Variants in COL4A1 observed in about 807,000 individuals in gnomAD.
The protein encoded by COL4A1 is collagen type IV alpha 1 chain, also known as collagen alpha-1(IV) chain.
In COL4A1, 40 loss-of-function variants were observed where a neutral mutation model predicts 216.6. That is an observed-to-expected ratio of 0.18 (90% CI 0.14 to 0.24). COL4A1 has a LOEUF of 0.24. Among genes scored for constraint, COL4A1 ranks in the 10% least tolerant of loss-of-function variants. The pLI, the probability that COL4A1 is intolerant of heterozygous loss-of-function variation, is 1.00. For missense variants in COL4A1, 1,628 were observed against 2,196.8 expected, an observed-to-expected ratio of 0.74 and a Z score of 5.18; for synonymous variants, 839 against 810.7, an observed-to-expected ratio of 1.03 and a Z score of -0.59.
rs760053807 is a variant in COL4A1 at position 110,175,314 on chromosome 13, T to C, written c.3102A>G (p.Gln1034=). 7 of 1,614,124 alleles carry C rather than the reference T, an allele frequency of 4.3e-6. No individual in the cohort carries two copies. The highest frequency in any genetic ancestry group is 4.5e-5 in the East Asian group (2 of 44,896). Residue 1034 remains glutamine (Q), a synonymous_variant, in exon 37 of 52, where the codon CAA becomes CAG. Transcript: ENST00000375820. ...EKGVPGIPGP[Q]GSPGLPGDKG... The stretch of plus-strand genomic sequence containing the variant: ...TGTCTCCAGGTAAGCCAGGTGAACC[T>C]TGTGGGCCAGGGATGCCAGGCACAC...
intron 39 of COL4A1, 66 bp from the exon 40 acceptor site, chr13:110,174,064 A>C: frequency 1.9e-6 from 3 of 1,559,706 alleles, no homozygotes; most frequent in Non-Finnish European, 2.6e-6. Flanking sequence ...GCCATACAAA[A>C]TGGCCCTTTG....
At position 110,192,261 on chromosome 13, in the gene COL4A1, T is replaced by G; in HGVS notation, c.1489A>C (p.Lys497Gln). ...EIGFPGQPGA[K>Q]GDRGLPGRDG... Reference sequence around the variant, plus strand: ...CTGCCAGGCAAACCTCTGTCGCCCTTGGCCCCTGGCTGCCCTGGGAAACCT... The same window carrying G: ...CTGCCAGGCAAACCTCTGTCGCCCTGGGCCCCTGGCTGCCCTGGGAAACCT... The change falls in exon 24 of 52, where the codon AAG becomes CAG. Residue 497 changes from lysine to glutamine, a missense_variant. Transcript: ENST00000375820. 1 of 1,614,180 alleles carries G rather than the reference T, an allele frequency of 6.2e-7. No individual in the cohort carries two copies. Among genetic ancestry groups the G allele is most frequent in the Non-Finnish European group, 8.5e-7 (1 of 1,180,034 alleles).
chr13:110,292,027 A>T (rs1468580385), intron 1 of COL4A1, among the ~76,000 whole-genome samples: 1 of 152,206 alleles, frequency 6.6e-6, no homozygotes, highest in Non-Finnish European at 1.5e-5. Context: ...ATTTGATACA[A>T]ACAATAAGAT....
chr13:110,155,211 A>C (rs1177618233), intron 50 of COL4A1, 72 bp downstream of exon 50: 5 of 1,101,862 alleles, frequency 4.5e-6, no homozygotes, highest in Admixed American at 1.7e-5. Flanking sequence ...GTGTGGAGGC[A>C]CCAGACAGAG....
At chr13:110,267,205 C>A (rs1883072992) in intron 1 of COL4A1, among the ~76,000 whole-genome samples, 1 of 152,174 alleles carries the variant, frequency 6.6e-6, no homozygotes, top group African/African-American at 2.4e-5. Context: ...ACCATCCACA[C>A]AGGCGAGGGG....
chr13:110,271,861 T>C (rs1883257012), intron 1 of COL4A1, among the ~76,000 whole-genome samples: 1 of 152,248 alleles, frequency 6.6e-6, no homozygotes, highest in Non-Finnish European at 1.5e-5. Flanking sequence ...ATGAAAGATA[T>C]ACGGGAATAC....
chr13:110,234,823 A>G (rs941929905), intron 2 of COL4A1, among the ~76,000 whole-genome samples: 2 of 151,780 alleles, frequency 1.3e-5, no homozygotes, highest in Non-Finnish European at 2.9e-5. Context: ...AGATGGTCTG[A>G]TGATCATATT....
rs772355726 is a variant in COL4A1, at chr13:110,172,710, C to G, written c.3556+10G>C. ...GGTTGAAAAGGAAGAGCACAGTGAG[C>G]AAAGATTACCTTTGTCTCCTTTGGC... On this transcript the variant is annotated intron_variant, in intron 41 of 51. Coordinates refer to ENST00000375820, the MANE Select transcript of COL4A1 (RefSeq NM_001845.6). 4 of 1,613,318 alleles carry G rather than the reference C, an allele frequency of 2.5e-6. No homozygotes were observed. Among genetic ancestry groups the G allele is most frequent in the Non-Finnish European group, 3.4e-6 (4 of 1,179,390 alleles).
At chr13:110,185,421 G>A (rs1209453983) in intron 26 of COL4A1, among the ~76,000 whole-genome samples, 1 of 152,176 alleles carries the variant, frequency 6.6e-6, no homozygotes, top group Non-Finnish European at 1.5e-5. Flanking sequence ...TGGGATTACA[G>A]GCGTGAGCCA....
chr13:110,286,738 A>G (rs1883860609), intron 1 of COL4A1, among the ~76,000 whole-genome samples: 1 of 152,170 alleles, frequency 6.6e-6, no homozygotes, highest in Non-Finnish European at 1.5e-5. Context: ...CCTCGCAGAG[A>G]GGCAGCTTGC....
At chr13:110,252,704 A>ATATATACATAT (rs1297055631) in intron 1 of COL4A1, among the ~76,000 whole-genome samples, 1 of 141,336 alleles carries the variant, frequency 7.1e-6, no homozygotes, top group Non-Finnish European at 1.5e-5. Flanking sequence ...AATTATATGT[A>ATATATACATAT]TATATGTATT....
At chr13:110,172,605 C>G (rs1877696175) in intron 41 of COL4A1, 115 bp downstream of exon 41, 1 of 982,088 alleles carries the variant, frequency 1.0e-6, no homozygotes, top group Admixed American at 1.7e-5. Flanking sequence ...ATCCTCCATC[C>G]CGTTGCTGCC....
intron 1 of COL4A1, among the ~76,000 whole-genome samples, chr13:110,295,922 A>G (rs1048638519): frequency 3.3e-5 from 5 of 152,230 alleles, no homozygotes; most frequent in African/African-American, 7.2e-5. Context: ...TGCGCTTTCT[A>G]GCGGGGAGTG....
At chr13:110,200,917 AAACAG>A in intron 19 of COL4A1, 28 bp from the exon 20 acceptor site, 4 of 1,613,226 alleles carry the variant, frequency 2.5e-6, no homozygotes, top group Non-Finnish European at 2.5e-6. Context: ...GTGTTGGATC[AAACAG>A]AACAGTTCAC....
intron 1 of COL4A1, among the ~76,000 whole-genome samples, chr13:110,301,761 G>C (rs1884502438): frequency 6.6e-6 from 1 of 152,152 alleles, no homozygotes; most frequent in Non-Finnish European, 1.5e-5. Context: ...AGCTTCTGTG[G>C]AATGCAGAGA....
chr13:110,152,816 A>T (rs1308116740), intron 50 of COL4A1, among the ~76,000 whole-genome samples: 1 of 152,146 alleles, frequency 6.6e-6, no homozygotes, highest in Non-Finnish European at 1.5e-5. Context: ...GATTTGAAAC[A>T]CTCCAACCCA....
At chr13:110,263,949 T>C (rs987030455) in intron 1 of COL4A1, among the ~76,000 whole-genome samples, 1 of 152,222 alleles carries the variant, frequency 6.6e-6, no homozygotes, top group African/African-American at 2.4e-5. Flanking sequence ...TAGGCCAGCA[T>C]TTTTTCAGAG....
chr13:110,150,531 A>G, intron 51 of COL4A1, 87 bp from the exon 52 acceptor site: 1 of 1,348,008 alleles, frequency 7.4e-7, no homozygotes, highest in Non-Finnish European at 1.0e-6. Flanking sequence ...GGAAATCTCT[A>G]AGGGATCAGC....
intron 49 of COL4A1, chr13:110,160,972 G>C (rs1231307576): frequency 2.4e-5 from 14 of 587,420 alleles, no homozygotes; most frequent in Non-Finnish European, 3.6e-5. Flanking sequence ...GCTTCCCAAA[G>C]TGTTGGGATT....
Sources: allele counts gnomAD v4.1 joint callset (sites outside exome capture counted in the v4.1 genomes callset), GRCh38; gene constraint gnomAD v4.1.1; transcripts MANE v1.5; gene names NCBI Gene and HGNC (gene_info 2026-07-23, HGNC 2026-07-21).